The following LRBA variants were observed in gnomAD, a reference collection of about 807,000 sequenced individuals.
The protein encoded by LRBA is LPS responsive beige-like anchor protein, also known as lipopolysaccharide-responsive and beige-like anchor protein.
In LRBA, 176 loss-of-function variants were observed where a neutral mutation model predicts 330.0. The observed-to-expected ratio is 0.53, with a 90% CI of 0.47 to 0.60. The LOEUF (loss-of-function observed/expected upper bound fraction) is 0.60, where lower values mean the gene tolerates loss of function less well. Among genes scored for constraint, LRBA ranks in the 20% least tolerant of loss-of-function variants. LRBA has a pLI of 0.00. For synonymous variants in LRBA, 1,230 were observed against 1,193.0 expected (o/e 1.03, Z -0.64); for missense variants, 3,259 against 3,444.8 (o/e 0.95, Z 1.35).
Position 150,923,876 on chromosome 4 carries a change from AAG to A in LRBA, c.550-2585_550-2584del, listed in dbSNP as rs1733600469. 2.0e-5 allele frequency among the ~76,000 whole-genome samples: 3 copies of A among 152,198 alleles called. No homozygotes were observed. In the South Asian group the frequency reaches 6.2e-4, roughly 32 times the overall value. On this transcript the variant is annotated intron_variant, in intron 4 of 56. Transcript: ENST00000651943. ...TAAATTATAATTACTACCTGTGTAA[AAG>A]AGTTTGGCAACCTTTCACCTAAATA...
intron 31 of LRBA, among the ~76,000 whole-genome samples, chr4:150,814,465 G>A (rs920142728): frequency 2.6e-4 from 39 of 151,706 alleles, no homozygotes; most frequent in African/African-American, 8.0e-4. Flanking sequence ...ATCAATTAAC[G>A]GAATAAAATA....
At chr4:150,905,741 G>C in intron 13 of LRBA, 97 bp downstream of exon 13, 1 of 1,076,262 alleles carries the variant, frequency 9.3e-7, no homozygotes, top group Non-Finnish European at 1.3e-6. Context: ...TTGCATAATA[G>C]TACATAAAAA....
At chr4:150,896,782 T>G (rs1407922977) in intron 15 of LRBA, among the ~76,000 whole-genome samples, 1 of 151,994 alleles carries the variant, frequency 6.6e-6, no homozygotes, top group African/African-American at 2.4e-5. Context: ...ACTACTCCTC[T>G]AAATACAGAA....
intron 56 of LRBA, among the ~76,000 whole-genome samples, chr4:150,274,950 A>G (rs1291035484): frequency 6.6e-6 from 1 of 152,226 alleles, no homozygotes; most frequent in Middle Eastern, 3.2e-3. Context: ...TCATCCTGAT[A>G]CCAAAACCTG....
intron 40 of LRBA, chr4:150,581,533 G>T: frequency 4.9e-6 from 1 of 204,612 alleles, no homozygotes; most frequent in Non-Finnish European, 9.9e-6. Context: ...ACACAATGTT[G>T]ATAGAATCAT....
Position 150,277,879 on chromosome 4 carries a change from C to G in LRBA, c.8442G>C (p.Arg2814=). 3.7e-6 allele frequency: 6 copies of G among 1,614,058 alleles called. No homozygotes were observed. The highest frequency in any genetic ancestry group is 5.1e-6 in the Non-Finnish European group (6 of 1,180,008). Residue 2814 remains arginine, a synonymous_variant, in exon 56 of 57, where the codon CGG becomes CGC. Transcript: ENST00000651943. The part of the protein sequence containing the change: ...FAYPGCDAGI[R]AMALSYDQRC... ...TCTGGTCGTAAGACAGCGCCATGGC[C>G]CGGATTCCAGCGTCACATCCTGGAT...
intron 37 of LRBA, among the ~76,000 whole-genome samples, chr4:150,655,790 A>G (rs1780123920): frequency 6.6e-6 from 1 of 152,256 alleles, no homozygotes; most frequent in Non-Finnish European, 1.5e-5. Flanking sequence ...GTCTAATGAT[A>G]AAGTTTTCAT....
At chr4:150,896,541 G>C in intron 15 of LRBA, 85 bp from the exon 16 acceptor site, 1 of 700,650 alleles carries the variant, frequency 1.4e-6, no homozygotes, top group African/African-American at 1.9e-5. Context: ...TGTCAAGTTG[G>C]TCAGCTACTA....
intron 37 of LRBA, among the ~76,000 whole-genome samples, chr4:150,639,588 CAAA>C (rs879128535): frequency 1.1e-4 from 5 of 46,262 alleles, no homozygotes; most frequent in Non-Finnish European, 1.3e-4. Context: ...GCAGAAGGAG[CAAA>C]AAAAAAAAAA....
intron 47 of LRBA, among the ~76,000 whole-genome samples, chr4:150,388,486 G>A (rs1743403713): frequency 6.6e-6 from 1 of 152,160 alleles, no homozygotes; most frequent in Admixed American, 6.6e-5. Context: ...ACTCAGACAT[G>A]GGTGAAACTT....
At chr4:150,700,127 G>A (rs1221855040) in intron 36 of LRBA, among the ~76,000 whole-genome samples, 1 of 152,026 alleles carries the variant, frequency 6.6e-6, no homozygotes, top group East Asian at 1.9e-4. Context: ...CAAGCATTCT[G>A]GATACGGGAT....
At chr4:150,450,683 A>G (rs1451630763) in intron 44 of LRBA, among the ~76,000 whole-genome samples, 1 of 152,202 alleles carries the variant, frequency 6.6e-6, no homozygotes, top group Non-Finnish European at 1.5e-5. Context: ...TTTTGGAAAC[A>G]AAATTCAACC....
At chr4:150,441,034 A>G (rs2152004334) in intron 44 of LRBA, among the ~76,000 whole-genome samples, 1 of 152,252 alleles carries the variant, frequency 6.6e-6, no homozygotes, top group African/African-American at 2.4e-5. Flanking sequence ...ATTTTTTGTT[A>G]CGTTCTTTGA....
At chr4:150,435,068 G>T (rs1263641531) in intron 46 of LRBA, among the ~76,000 whole-genome samples, 1 of 151,930 alleles carries the variant, frequency 6.6e-6, no homozygotes, top group Non-Finnish European at 1.5e-5. Context: ...GGAGAGGCCG[G>T]GCGCGGTGGC....
intron 47 of LRBA, among the ~76,000 whole-genome samples, chr4:150,374,929 G>A (rs1302575968): frequency 6.6e-6 from 1 of 152,296 alleles, no homozygotes; most frequent in South Asian, 2.1e-4. Context: ...CAGGGTCCTA[G>A]CAGGAAACAG....
intron 55 of LRBA, among the ~76,000 whole-genome samples, chr4:150,278,848 A>G (rs192585102): frequency 2.7e-3 from 412 of 151,474 alleles, no homozygotes; most frequent in African/African-American, 9.1e-3. Flanking sequence ...CCCTCGAGAC[A>G]GGGTCTTGCT....
chr4:150,330,899 G>C (rs1002481862), intron 48 of LRBA, among the ~76,000 whole-genome samples: 1 of 152,108 alleles, frequency 6.6e-6, no homozygotes, highest in Non-Finnish European at 1.5e-5. Flanking sequence ...TGGTTGGACT[G>C]GGGACAAAAC....
chr4:150,391,223 T>C (rs1393432332), intron 47 of LRBA, among the ~76,000 whole-genome samples: 1 of 152,154 alleles, frequency 6.6e-6, no homozygotes, highest in Non-Finnish European at 1.5e-5. Context: ...CCCTGAATGA[T>C]GATGAAACCA....
At chr4:150,680,957 G>C (rs1229259443) in intron 37 of LRBA, among the ~76,000 whole-genome samples, 1 of 151,968 alleles carries the variant, frequency 6.6e-6, no homozygotes, top group Non-Finnish European at 1.5e-5. Flanking sequence ...ATGGCTACAA[G>C]CAAATTACGT....
Sources: gnomAD v4.1 joint callset for allele counts (sites outside exome capture counted in the v4.1 genomes callset) on GRCh38, gnomAD v4.1.1 for gene constraint, MANE v1.5 for transcripts, NCBI Gene and HGNC (gene_info 2026-07-23, HGNC 2026-07-21) for gene names.